Variants in CACNG2 observed in about 807,000 individuals in gnomAD.
CACNG2 encodes calcium voltage-gated channel auxiliary subunit gamma 2, also known as voltage-dependent calcium channel gamma-2 subunit.
Under a neutral mutation model 25.9 loss-of-function variants are expected in CACNG2, and 3 were observed. The ratio of observed to expected loss-of-function variants is 0.12; its 90% confidence interval spans 0.05 to 0.30. The LOEUF is 0.30. Ranked by LOEUF, CACNG2 falls within the 10% of genes least tolerant of loss-of-function variation. The pLI is 1.00. For synonymous variants in CACNG2, 167 were observed against 173.3 expected, an observed-to-expected ratio of 0.96 and a Z score of 0.29; for missense variants, 341 against 432.5, an observed-to-expected ratio of 0.79 and a Z score of 1.88.
chr22:36,684,624 A>AAAAAAC (rs1467887109), intron 1 of CACNG2, among the ~76,000 whole-genome samples: 2 of 151,916 alleles, frequency 1.3e-5, no homozygotes, highest in African/African-American at 2.4e-5. Flanking sequence ...TCAAAAAAAA[A>AAAAAAC]AAAAAAACAA....
intron 2 of CACNG2, among the ~76,000 whole-genome samples, chr22:36,568,739 C>A (rs1013116114): frequency 6.6e-6 from 1 of 152,152 alleles, no homozygotes; most frequent in Non-Finnish European, 1.5e-5. Context: ...GAAAACTCTT[C>A]TTCTGTCCTC....
intron 1 of CACNG2, among the ~76,000 whole-genome samples, chr22:36,593,156 A>T (rs1196926227): frequency 3.3e-5 from 5 of 152,204 alleles, no homozygotes; most frequent in African/African-American, 1.2e-4. Context: ...TCCCCCAGCC[A>T]GCTTCCCTGA....
At chr22:36,635,647 G>C (rs1936346067) in intron 1 of CACNG2, among the ~76,000 whole-genome samples, 1 of 152,002 alleles carries the variant, frequency 6.6e-6, no homozygotes, top group African/African-American at 2.4e-5. Context: ...CTCTGGCCCT[G>C]GTATCTTGAA....
At chr22:36,570,667 G>T (rs2145909226) in intron 2 of CACNG2, among the ~76,000 whole-genome samples, 1 of 151,096 alleles carries the variant, frequency 6.6e-6, no homozygotes, top group South Asian at 2.1e-4. Flanking sequence ...GGGTGCTGAG[G>T]CAGGAAGATA....
chr22:36,591,311 G>A (rs971543887), intron 1 of CACNG2, among the ~76,000 whole-genome samples: 12 of 152,044 alleles, frequency 7.9e-5, no homozygotes, highest in Non-Finnish European at 1.8e-4. Flanking sequence ...TTACAGGCGT[G>A]AGCCACCGCG....
Position 36,578,090 on chromosome 22 carries a change from G to C in CACNG2, c.295+9375C>G, listed in dbSNP as rs188370963. Among the ~76,000 whole-genome samples the C allele has an allele frequency of 2.6e-5, 4 of 152,094 alleles. No individual in the cohort carries two copies. In the South Asian group the frequency reaches 8.3e-4, roughly 32 times the overall value. ...TAAGCTAGGATGATGGGCTGGGTGC[G>C]GTAGCTCACACCTGTCATCCCAGCA... On this transcript the variant is annotated intron_variant, in intron 2 of 3. Transcript: ENST00000300105.
intron 2 of CACNG2, among the ~76,000 whole-genome samples, chr22:36,579,723 G>A (rs1008667478): frequency 1.3e-5 from 2 of 152,144 alleles, no homozygotes; most frequent in Non-Finnish European, 2.9e-5. Flanking sequence ...ATCACAGGGC[G>A]TCCTGGCTGT....
intron 3 of CACNG2, among the ~76,000 whole-genome samples, chr22:36,565,470 A>G (rs1349963814): frequency 1.3e-5 from 2 of 150,328 alleles, no homozygotes; most frequent in Non-Finnish European, 3.0e-5. Flanking sequence ...GTACTCTTAG[A>G]TGTTGGTGGT....
chr22:36,702,645 C>T lies in CACNG2; in HGVS notation c.-69G>A, dbSNP rs1436442533. 3 of 1,166,036 alleles carry T rather than the reference C, an allele frequency of 2.6e-6. No individual in the cohort carries two copies. Among genetic ancestry groups the T allele is most frequent in the Non-Finnish European group, 3.9e-6 (3 of 776,972 alleles). 72.2% of individuals were successfully genotyped at this position (1,166,036 alleles called of 1,614,324 possible). ...GAGAGTGTGTGTGAGGGTGCAAGTA[C>T]TAAAGCCAAAAAAAATAAATAAAAA... On this transcript the variant is annotated 5_prime_UTR_variant, in exon 1 of 4. Coordinates refer to ENST00000300105, the MANE Select transcript of CACNG2 (RefSeq NM_006078.5).
intron 1 of CACNG2, among the ~76,000 whole-genome samples, chr22:36,591,369 A>G (rs940648063): frequency 7.9e-5 from 12 of 152,210 alleles, no homozygotes; most frequent in African/African-American, 2.9e-4. Flanking sequence ...ACTAGTGGGA[A>G]TGTTCTAGTA....
At chr22:36,622,472 TCTTA>T (rs1459404510) in intron 1 of CACNG2, among the ~76,000 whole-genome samples, 1 of 152,206 alleles carries the variant, frequency 6.6e-6, no homozygotes, top group East Asian at 1.9e-4. Flanking sequence ...TGGGTTTAGA[TCTTA>T]CTTCCTTACT....
At chr22:36,627,049 A>C (rs5756270) in intron 1 of CACNG2, among the ~76,000 whole-genome samples, 120,196 of 152,238 alleles carry the variant, frequency 0.79, 47,531 homozygotes, top group African/African-American at 0.84. Context: ...AAGCCTGTCT[A>C]TGTCAAAGTC....
chr22:36,670,537 A>G (rs1211590876), intron 1 of CACNG2, among the ~76,000 whole-genome samples: 1 of 152,138 alleles, frequency 6.6e-6, no homozygotes, highest in Non-Finnish European at 1.5e-5. Context: ...AAATGTATAT[A>G]ACACTGCACC....
At chr22:36,698,880 C>A (rs903819638) in intron 1 of CACNG2, among the ~76,000 whole-genome samples, 1 of 152,158 alleles carries the variant, frequency 6.6e-6, no homozygotes, top group African/African-American at 2.4e-5. Context: ...GGAGCCAAGA[C>A]AGAGGGGAGG....
intron 1 of CACNG2, among the ~76,000 whole-genome samples, chr22:36,601,758 C>CA (rs1935756895): frequency 6.6e-6 from 1 of 152,198 alleles, no homozygotes; most frequent in South Asian, 2.1e-4. Flanking sequence ...GCTGAGATTA[C>CA]AAGCGTGAGC....
At chr22:36,605,177 C>G (rs552288284) in intron 1 of CACNG2, among the ~76,000 whole-genome samples, 1 of 152,284 alleles carries the variant, frequency 6.6e-6, no homozygotes, top group South Asian at 2.1e-4. Context: ...TGGGTTCAAG[C>G]AATTCTCCTG....
chr22:36,702,797 G>T lies in CACNG2; in HGVS notation c.-221C>A. 1 of 450,986 alleles carries T rather than the reference G, an allele frequency of 2.2e-6. No homozygotes were observed. The highest frequency in any genetic ancestry group is 3.9e-6 in the Non-Finnish European group (1 of 256,498). 27.9% of individuals were successfully genotyped at this position (450,986 alleles called of 1,614,324 possible). On this transcript the variant is annotated 5_prime_UTR_variant, in exon 1 of 4. Coordinates refer to ENST00000300105, the MANE Select transcript of CACNG2 (RefSeq NM_006078.5). ...AATTATAAAGATCACACGGGAAGAG[G>T]CTTGCCTTTTGAGATCAGAAACTGT...
chr22:36,643,194 TTC>T (rs1016538712), intron 1 of CACNG2, among the ~76,000 whole-genome samples: 9 of 150,040 alleles, frequency 6.0e-5, no homozygotes, highest in African/African-American at 2.0e-4. Flanking sequence ...TCCCTCTCCT[TTC>T]TTTCTCCTTC....
At chr22:36,675,368 G>C (rs1317716987) in intron 1 of CACNG2, among the ~76,000 whole-genome samples, 1 of 152,042 alleles carries the variant, frequency 6.6e-6, no homozygotes, top group Admixed American at 6.6e-5. Flanking sequence ...TATGAGGTGG[G>C]TGACCAATTA....
Sources: allele counts gnomAD v4.1 joint callset (sites outside exome capture counted in the v4.1 genomes callset), GRCh38; gene constraint gnomAD v4.1.1; transcripts MANE v1.5; gene names NCBI Gene and HGNC (gene_info 2026-07-23, HGNC 2026-07-21).